CUL4B: variants seen among roughly 807,000 people sequenced by gnomAD.
CUL4B encodes cullin 4B.
A neutral mutation model predicts 69.2 loss-of-function variants in CUL4B; 1 was observed. The observed-to-expected ratio is 0.01, with a 90% CI of 0.01 to 0.07. The LOEUF (loss-of-function observed/expected upper bound fraction) is 0.07. CUL4B is among the 10% of genes least tolerant of loss of function. The pLI is 1.00. For synonymous variants in CUL4B, 237 were observed against 223.2 expected (o/e 1.06, Z -0.55); for missense variants, 328 against 638.8 (o/e 0.51, Z 5.24).
At chrX:120,538,256 CAA>C (rs1317210698) in intron 13 of CUL4B, 47 bp from the exon 14 acceptor site, 1 of 860,731 alleles carries the variant, frequency 1.2e-6, no homozygotes, top group Middle Eastern at 3.2e-4. Flanking sequence ...GTGGTAAAAA[CAA>C]AAGAGGTTTA....
At chrX:120,547,824 C>T (rs1343646153) in intron 2 of CUL4B, among the ~76,000 whole-genome samples, 1 of 110,455 alleles carries the variant, frequency 9.1e-6, no homozygotes, top group African/African-American at 3.3e-5. Flanking sequence ...ATAAAGCAGG[C>T]CAAAAAAAGT....
At chrX:120,543,056 T>G in intron 8 of CUL4B, 23 bp from the exon 9 acceptor site, 1 of 1,068,989 alleles carries the variant, frequency 9.4e-7, no homozygotes, top group South Asian at 1.9e-5. Context: ...AAAAAAAGGT[T>G]AGTATTATTG....
chrX:120,557,778 AATT>A (rs1224574902), intron 2 of CUL4B, 143 bp downstream of exon 2: 8 of 430,242 alleles, frequency 1.9e-5, no homozygotes, highest in Admixed American at 3.9e-5. Flanking sequence ...TACGTGGTCT[AATT>A]ATAGAGTTCA....
upstream of CUL4B, among the ~76,000 whole-genome samples, chrX:120,565,721 A>C (rs922944986): frequency 2.8e-5 from 2 of 72,525 alleles, no homozygotes; most frequent in Non-Finnish European, 4.9e-5. Flanking sequence ...CAGTCCATTT[A>C]CTTTTTTTTT....
chrX:120,565,215 T>C (rs754817069), upstream of CUL4B, among the ~76,000 whole-genome samples: 1 of 110,430 alleles, frequency 9.1e-6, no homozygotes, highest in Admixed American at 9.7e-5. Flanking sequence ...TCTCCAGATA[T>C]CTCATACCAG....
chrX:120,565,158 A>G (rs1336638938), upstream of CUL4B, among the ~76,000 whole-genome samples: 1 of 110,299 alleles, frequency 9.1e-6, no homozygotes, highest in Non-Finnish European at 1.9e-5. Context: ...CAAGATGTGT[A>G]ATGTAGGACG....
At chrX:120,540,250 C>G in intron 11 of CUL4B, 120 bp downstream of exon 11, 1 of 648,531 alleles carries the variant, frequency 1.5e-6, no homozygotes, top group Non-Finnish European at 2.5e-6. Flanking sequence ...GATATACCAG[C>G]TAAGCAACCT....
intron 4 of CUL4B, 74 bp from the exon 5 acceptor site, chrX:120,545,591 T>C (rs952247275): frequency 7.1e-6 from 5 of 700,784 alleles, no homozygotes; most frequent in Non-Finnish European, 1.1e-5. Context: ...TCAATAAGAA[T>C]AAAACTGAAG....
rs190193203 is a variant in CUL4B, at chrX:120,544,868, T to C, written c.921-225A>G. On this transcript the variant is annotated intron_variant, in intron 5 of 19. Transcript: ENST00000371322. The stretch of plus-strand genomic sequence containing the variant: ...ACTGAGAATTGAAGCTAAATTCCTA[T>C]TTTCCTCCATAACTAAGTTTTGTTG... Among the ~76,000 whole-genome samples, 327 of 112,555 alleles carry C rather than the reference T, an allele frequency of 2.9e-3. 1 individual carries two copies. Among genetic ancestry groups the C allele is most frequent in the African/African-American group, 0.01 (319 of 31,081 alleles).
upstream of CUL4B, among the ~76,000 whole-genome samples, chrX:120,565,740 G>A (rs1220926388): frequency 6.3e-5 from 1 of 15,796 alleles, no homozygotes; most frequent in Non-Finnish European, 1.0e-4. Flanking sequence ...TTTTTTTTTT[G>A]TCTGAGACAG....
At position 120,543,383 on chromosome X, in the gene CUL4B, C is replaced by T. The variant is rs768817993; in HGVS notation, c.1256+344G>A. ...CTACATACAGAGGCCCCTCGACTGG[C>T]AATATTAATACTTAGGAAAGCACAG... On this transcript the variant is annotated intron_variant, in intron 8 of 19. Transcript: ENST00000371322. 6.0e-4 allele frequency among the ~76,000 whole-genome samples: 66 copies of T among 110,554 alleles called. No individual in the cohort carries two copies. The South Asian group carries it at 0.011, about 18-fold the overall frequency.
chrX:120,561,799 G>A (rs1925338246), upstream of CUL4B, among the ~76,000 whole-genome samples: 1 of 110,966 alleles, frequency 9.0e-6, no homozygotes, highest in African/African-American at 3.3e-5. Flanking sequence ...CATTATGCCC[G>A]CTGCTGGAGA....
At chrX:120,538,460 A>G in intron 13 of CUL4B, 200 bp downstream of exon 13, 1 of 422,966 alleles carries the variant, frequency 2.4e-6, no homozygotes, top group Middle Eastern at 6.3e-4. Flanking sequence ...AATAAAACCA[A>G]GAACAATGCT....
intron 2 of CUL4B, among the ~76,000 whole-genome samples, chrX:120,550,893 A>T (rs1289151048): frequency 8.9e-6 from 1 of 111,859 alleles, no homozygotes; most frequent in Non-Finnish European, 1.9e-5. Context: ...TATGTAAAAA[A>T]GGAACAAAAT....
chrX:120,545,279 C>G (rs893568569), intron 5 of CUL4B, among the ~76,000 whole-genome samples, 165 bp downstream of exon 5: 2 of 111,763 alleles, frequency 1.8e-5, no homozygotes, highest in African/African-American at 6.5e-5. Context: ...TCAATATTAG[C>G]ATAGGCAACA....
chrX:120,548,666 T>G (rs769149609), intron 2 of CUL4B, among the ~76,000 whole-genome samples: 1 of 109,811 alleles, frequency 9.1e-6, no homozygotes, highest in Non-Finnish European at 1.9e-5. Flanking sequence ...AAACCCCGTC[T>G]CCACTAAAAA....
In CUL4B at chrX:120,560,587, G is replaced by GAGC. The variant is rs746690704; in HGVS notation, c.49_51dup (p.Ala17dup). 2 of 1,208,484 alleles carry GAGC rather than the reference G, an allele frequency of 1.7e-6. No individual in the cohort carries two copies. The highest frequency in any genetic ancestry group is 2.2e-6 in the Non-Finnish European group (2 of 894,768). ...CCATCAGTGGCAGATCTGACCTCCT[G>GAGC]AGCAGCAGCAGCAGCTGAGGGACTG... On this transcript the variant is annotated inframe_insertion, in exon 1 of 20. Coordinates refer to ENST00000371322, the MANE Select transcript of CUL4B (RefSeq NM_001079872.2).
At chrX:120,547,083 G>T in intron 3 of CUL4B, 53 bp downstream of exon 3, 1 of 817,118 alleles carries the variant, frequency 1.2e-6, no homozygotes, top group Non-Finnish European at 1.9e-6. Context: ...GTGAGGGGTA[G>T]GGACAGAGAG....
intron 12 of CUL4B, 91 bp downstream of exon 12, chrX:120,539,177 T>C: frequency 5.7e-6 from 3 of 527,703 alleles, no homozygotes; most frequent in Non-Finnish European, 9.3e-6. Context: ...AATTTCCAAA[T>C]AAATATTCCC....
Sources: gnomAD v4.1 joint callset for allele counts (sites outside exome capture counted in the v4.1 genomes callset) on GRCh38, gnomAD v4.1.1 for gene constraint, MANE v1.5 for transcripts, NCBI Gene and HGNC (gene_info 2026-07-23, HGNC 2026-07-21) for gene names.